The following RIC8B variants were observed in gnomAD, a reference collection of about 807,000 sequenced individuals.
The protein encoded by RIC8B is chaperone Ric-8B.
Under a neutral mutation model 57.5 loss-of-function variants are expected in RIC8B, and 16 were observed. The observed-to-expected ratio is 0.28, with a 90% CI of 0.19 to 0.42. RIC8B has a LOEUF of 0.42. Ranked by LOEUF, RIC8B falls within the 10% of genes least tolerant of loss-of-function variation. RIC8B has a pLI of 1.00. For missense variants in RIC8B, 481 were observed against 677.0 expected, an observed-to-expected ratio of 0.71 and a Z score of 3.21; for synonymous variants, 216 against 250.8, an observed-to-expected ratio of 0.86 and a Z score of 1.31.
At chr12:106,844,541 G>C (rs1201062075) in intron 6 of RIC8B, among the ~76,000 whole-genome samples, 1 of 152,184 alleles carries the variant, frequency 6.6e-6, no homozygotes, top group Non-Finnish European at 1.5e-5. Context: ...AGATACAGCA[G>C]GCGGTGTAGG....
chr12:106,868,885 C>T (rs1183307133), intron 8 of RIC8B, among the ~76,000 whole-genome samples: 10 of 131,202 alleles, frequency 7.6e-5, no homozygotes, highest in South Asian at 2.5e-4. Context: ...GACGGAGTCT[C>T]GCTCTGTCAC....
intron 3 of RIC8B, among the ~76,000 whole-genome samples, chr12:106,820,200 T>C (rs2045776770): frequency 6.6e-6 from 1 of 152,216 alleles, no homozygotes; most frequent in Admixed American, 6.5e-5. Context: ...AATAGAAAAT[T>C]AATGACTAGG....
At chr12:106,868,174 C>A (rs541280943) in intron 8 of RIC8B, 13 of 385,286 alleles carry the variant, frequency 3.4e-5, no homozygotes, top group African/African-American at 2.1e-4. Context: ...GCTGTGGTGC[C>A]CACAATAAGC....
chr12:106,776,128 G>A (rs1248117450), intron 1 of RIC8B, among the ~76,000 whole-genome samples: 2 of 152,178 alleles, frequency 1.3e-5, no homozygotes, highest in African/African-American at 4.8e-5. Context: ...GAGAGATAGA[G>A]CTGAGATTTG....
intron 4 of RIC8B, among the ~76,000 whole-genome samples, chr12:106,830,109 T>G (rs1365387169): frequency 6.6e-6 from 1 of 152,214 alleles, no homozygotes; most frequent in Non-Finnish European, 1.5e-5. Context: ...AATGAGTAAG[T>G]GTGAGTTCTC....
intron 2 of RIC8B, among the ~76,000 whole-genome samples, chr12:106,791,621 T>C (rs906857782): frequency 6.6e-6 from 1 of 152,206 alleles, no homozygotes; most frequent in Non-Finnish European, 1.5e-5. Flanking sequence ...GACACAAATG[T>C]ATTTAGCATA....
chr12:106,849,960 C>T (rs532419987), intron 6 of RIC8B, among the ~76,000 whole-genome samples: 63 of 152,318 alleles, frequency 4.1e-4, no homozygotes, highest in Admixed American at 9.8e-4. Context: ...GGGTCCCCAA[C>T]CCCAGGGCCT....
intron 3 of RIC8B, among the ~76,000 whole-genome samples, chr12:106,819,721 G>C (rs2045752085): frequency 6.8e-6 from 1 of 146,468 alleles, no homozygotes; most frequent in African/African-American, 2.5e-5. Flanking sequence ...TCCCGCCTGG[G>C]TAACAGCGTC....
chr12:106,849,252 C>T (rs1352215727), intron 6 of RIC8B, among the ~76,000 whole-genome samples: 1 of 151,328 alleles, frequency 6.6e-6, no homozygotes, highest in Non-Finnish European at 1.5e-5. Context: ...ACTATGTACC[C>T]ACAACAATTA....
chr12:106,823,280 G>A (rs2045932876), intron 3 of RIC8B: 2 of 299,632 alleles, frequency 6.7e-6, no homozygotes, highest in East Asian at 8.1e-5. Flanking sequence ...GCTGAAACCT[G>A]GAGTATGCAA....
chr12:106,862,107 GCT>G, intron 8 of RIC8B, among the ~76,000 whole-genome samples: 1 of 152,080 alleles, frequency 6.6e-6, no homozygotes, highest in Admixed American at 6.6e-5. Context: ...TACTGTCTTG[GCT>G]CTCTGTCATG....
At position 106,887,154 on chromosome 12, in the gene RIC8B, G is replaced by A. The variant is rs985716786; in HGVS notation, c.*1139G>A. 5.3e-5 allele frequency: 8 copies of A among 152,276 alleles called. No homozygotes were observed. The highest frequency in any genetic ancestry group is 4.2e-4 in the South Asian group (2 of 4,812). 9.4% of individuals were successfully genotyped at this position (152,276 alleles called of 1,614,324 possible). On this transcript the variant is annotated 3_prime_UTR_variant, in exon 10 of 10. Transcript: ENST00000392837. ...TCATCAGTGGCTAAAGTTGAAAAGG[G>A]GTTGGTTTCCTGTATATATATGTAT...
At position 106,787,728 on chromosome 12, in the gene RIC8B, C is replaced by T. The variant is rs11113115; in HGVS notation, c.132+3684C>T. On this transcript the variant is annotated intron_variant, in intron 2 of 9. Coordinates refer to ENST00000392837, the MANE Select transcript of RIC8B (RefSeq NM_001330145.2). ...TGAGACTTATTCACTACCACGAGAA[C>T]AGTATGGGGGAAACTGCCCCATGAT... Among the ~76,000 whole-genome samples, 635 of 152,208 alleles carry T rather than the reference C, an allele frequency of 4.2e-3. 7 individuals are homozygous for T. In the East Asian group the frequency reaches 0.056, roughly 13 times the overall value.
At chr12:106,778,208 G>A (rs1386062712) in intron 1 of RIC8B, among the ~76,000 whole-genome samples, 1 of 152,146 alleles carries the variant, frequency 6.6e-6, no homozygotes, top group African/African-American at 2.4e-5. Context: ...TTTCTAATGG[G>A]TAGCAAAATT....
intron 4 of RIC8B, among the ~76,000 whole-genome samples, chr12:106,826,571 TG>T (rs2046109259): frequency 6.6e-6 from 1 of 151,982 alleles, no homozygotes; most frequent in Non-Finnish European, 1.5e-5. Flanking sequence ...CTGGCCAACA[TG>T]GTGAAACCCC....
chr12:106,786,125 A>G (rs1566034178), intron 2 of RIC8B, among the ~76,000 whole-genome samples: 1 of 139,668 alleles, frequency 7.2e-6, no homozygotes, highest in Non-Finnish European at 1.5e-5. Flanking sequence ...GAGCCACCAC[A>G]TTTGGCCCAA....
chr12:106,846,975 G>C (rs1269105727), intron 6 of RIC8B, among the ~76,000 whole-genome samples: 1 of 152,178 alleles, frequency 6.6e-6, no homozygotes, highest in East Asian at 1.9e-4. Flanking sequence ...TTAAAGTACA[G>C]ATGATTAACT....
chr12:106,799,619 G>C (rs1189510128), intron 2 of RIC8B, among the ~76,000 whole-genome samples: 1 of 152,032 alleles, frequency 6.6e-6, no homozygotes, highest in Non-Finnish European at 1.5e-5. Flanking sequence ...ATTACCATAA[G>C]CATGTGAGAT....
intron 1 of RIC8B, among the ~76,000 whole-genome samples, chr12:106,781,528 T>C (rs545549758): frequency 6.6e-6 from 1 of 152,326 alleles, no homozygotes; most frequent in East Asian, 1.9e-4. Context: ...AGCTTCTGAA[T>C]AGATTGGCGC....
Sources: gnomAD v4.1 joint callset for allele counts (sites outside exome capture counted in the v4.1 genomes callset) on GRCh38, gnomAD v4.1.1 for gene constraint, MANE v1.5 for transcripts, NCBI Gene and HGNC (gene_info 2026-07-23, HGNC 2026-07-21) for gene names.